THRB: variants seen among roughly 807,000 people sequenced by gnomAD.
The protein encoded by THRB is nuclear receptor subfamily 1 group A member 2.
Under a neutral mutation model 47.8 loss-of-function variants are expected in THRB, and 12 were observed. That is an observed-to-expected ratio of 0.25 (90% CI 0.16 to 0.41). The LOEUF is 0.41. Ranked by LOEUF, THRB falls within the 10% of genes least tolerant of loss-of-function variation. The probability of loss-of-function intolerance (pLI) is 1.00; values close to 1 mark genes in which losing one functional copy is unlikely to be tolerated. For synonymous variants in THRB, 218 were observed against 212.2 expected, an observed-to-expected ratio of 1.03 and a Z score of -0.24; for missense variants, 348 against 589.2, an observed-to-expected ratio of 0.59 and a Z score of 4.24.
At chr3:24,374,843 T>C (rs2065160291) in intron 1 of THRB, among the ~76,000 whole-genome samples, 1 of 152,104 alleles carries the variant, frequency 6.6e-6, no homozygotes. Context: ...GTTAGTGCCT[T>C]ACTGAAAAAT....
At chr3:24,157,017 A>G (rs977173757) in intron 5 of THRB, among the ~76,000 whole-genome samples, 4 of 152,222 alleles carry the variant, frequency 2.6e-5, no homozygotes, top group African/African-American at 9.7e-5. Context: ...AAATTAAACC[A>G]TGCATTCATC....
At chr3:24,221,331 G>A (rs1268952793) in intron 4 of THRB, among the ~76,000 whole-genome samples, 1 of 148,776 alleles carries the variant, frequency 6.7e-6, no homozygotes, top group Non-Finnish European at 1.5e-5. Flanking sequence ...TGGCATTTAG[G>A]AGACTAGAGA....
At chr3:24,241,007 G>C (rs1037375870) in intron 3 of THRB, among the ~76,000 whole-genome samples, 1 of 152,196 alleles carries the variant, frequency 6.6e-6, no homozygotes, top group South Asian at 2.1e-4. Flanking sequence ...TGGCCAACAC[G>C]TCCAGCTGTG....
chr3:24,476,811 C>A (rs1448712526), intron 1 of THRB, among the ~76,000 whole-genome samples: 7 of 151,972 alleles, frequency 4.6e-5, no homozygotes, highest in East Asian at 3.9e-4. Flanking sequence ...AATTAAAATT[C>A]TTATTGTTAT....
chr3:24,352,200 C>T (rs935829020), intron 1 of THRB, among the ~76,000 whole-genome samples: 3 of 152,134 alleles, frequency 2.0e-5, no homozygotes, highest in African/African-American at 7.2e-5. Context: ...AACACAGGAA[C>T]AAATTTAACC....
At chr3:24,386,628 G>A (rs955739202) in intron 1 of THRB, among the ~76,000 whole-genome samples, 1 of 151,886 alleles carries the variant, frequency 6.6e-6, no homozygotes, top group African/African-American at 2.4e-5. Context: ...TCATACCTTG[G>A]CAAAAACAGT....
At chr3:24,375,124 G>A (rs757211035) in intron 1 of THRB, among the ~76,000 whole-genome samples, 17 of 150,494 alleles carry the variant, frequency 1.1e-4, no homozygotes, top group African/African-American at 3.7e-4. Flanking sequence ...TATGACTGAC[G>A]ATTTAAAAAA....
chr3:24,255,010 T>A (rs1324834892), intron 3 of THRB, among the ~76,000 whole-genome samples: 5 of 152,240 alleles, frequency 3.3e-5, no homozygotes, highest in Non-Finnish European at 5.9e-5. Context: ...GCACTTATTG[T>A]ATTCCCATAG....
At chr3:24,415,770 T>C (rs2150226031) in intron 1 of THRB, among the ~76,000 whole-genome samples, 1 of 151,988 alleles carries the variant, frequency 6.6e-6, no homozygotes, top group Non-Finnish European at 1.5e-5. Context: ...AGTTCAAACA[T>C]TATTCAAGTA....
Position 24,470,899 on chromosome 3 carries a change from G to A in THRB, c.-261+23753C>T, listed in dbSNP as rs568225534. Among the ~76,000 whole-genome samples the A allele has an allele frequency of 6.0e-4, 92 of 152,338 alleles. 1 individual carries two copies. The highest frequency in any genetic ancestry group is 1.5e-3 in the African/African-American group (64 of 41,582). Reference sequence around the variant, plus strand: ...CCCAAAGTGCTGGGATTACAGGCATGAGCCATCACACCCGGCCAAGACTTT... The same window carrying A: ...CCCAAAGTGCTGGGATTACAGGCATAAGCCATCACACCCGGCCAAGACTTT... On this transcript the variant is annotated intron_variant, in intron 1 of 10. Coordinates refer to ENST00000646209, the MANE Select transcript of THRB (RefSeq NM_001354712.2).
In THRB at chr3:24,157,234, C is replaced by T. The variant is rs2037997841; in HGVS notation, c.284-4744G>A. ...CACCCTGCCTACCCCTGCTTGGAGT[C>T]TTGGAGTCTCTTTCTTTACACTTTG... On this transcript the variant is annotated intron_variant, in intron 5 of 10. Coordinates refer to ENST00000646209, the MANE Select transcript of THRB (RefSeq NM_001354712.2). Among the ~76,000 whole-genome samples the T allele has an allele frequency of 1.3e-5, 2 of 152,002 alleles. 1 individual carries two copies. The highest frequency in any genetic ancestry group is 4.1e-4 in the South Asian group (2 of 4,820).
At chr3:24,380,306 A>G (rs1279580829) in intron 1 of THRB, among the ~76,000 whole-genome samples, 2 of 151,836 alleles carry the variant, frequency 1.3e-5, no homozygotes, top group African/African-American at 4.8e-5. Flanking sequence ...TGCATTCAGA[A>G]TAACTTCCAG....
At chr3:24,155,638 T>A (rs2037704826) in intron 5 of THRB, among the ~76,000 whole-genome samples, 1 of 152,258 alleles carries the variant, frequency 6.6e-6, no homozygotes. Context: ...TATTTCCTGT[T>A]GTATTTTAGT....
intron 4 of THRB, among the ~76,000 whole-genome samples, chr3:24,196,628 A>G (rs1331384411): frequency 6.6e-6 from 1 of 152,146 alleles, no homozygotes; most frequent in Non-Finnish European, 1.5e-5. Context: ...ATGACTCCAT[A>G]CCACTATATT....
intron 1 of THRB, among the ~76,000 whole-genome samples, chr3:24,423,101 G>C (rs2069425956): frequency 6.6e-6 from 1 of 151,822 alleles, no homozygotes; most frequent in African/African-American, 2.4e-5. Flanking sequence ...ATATAACTAA[G>C]TAAGTCCTTC....
chr3:24,443,945 G>T (rs542890891), intron 1 of THRB, among the ~76,000 whole-genome samples: 15 of 152,182 alleles, frequency 9.9e-5, no homozygotes, highest in African/African-American at 3.1e-4. Context: ...CCATACTCTG[G>T]CTTCCATATT....
At chr3:24,431,696 G>T (rs1169808771) in intron 1 of THRB, among the ~76,000 whole-genome samples, 15 of 152,072 alleles carry the variant, frequency 9.9e-5, no homozygotes, top group Admixed American at 9.8e-4. Flanking sequence ...AGCTTTATTT[G>T]TAATAGCAAA....
intron 2 of THRB, among the ~76,000 whole-genome samples, chr3:24,329,175 C>T (rs1411243400): frequency 6.6e-6 from 1 of 152,114 alleles, no homozygotes; most frequent in Non-Finnish European, 1.5e-5. Context: ...AAACTCCTGG[C>T]CCCAAAAGAT....
intron 5 of THRB, among the ~76,000 whole-genome samples, chr3:24,161,649 C>CACACACACACACACAG (rs2038850585): frequency 6.7e-6 from 1 of 150,310 alleles, no homozygotes; most frequent in Non-Finnish European, 1.5e-5. Flanking sequence ...CACACACACA[C>CACACACACACACACAG]ACACAGACAG....
Sources: allele counts gnomAD v4.1 joint callset (sites outside exome capture counted in the v4.1 genomes callset), GRCh38; gene constraint gnomAD v4.1.1; transcripts MANE v1.5; gene names NCBI Gene and HGNC (gene_info 2026-07-23, HGNC 2026-07-21).